Variants in SLC9A9 observed in about 807,000 individuals in gnomAD.
The protein encoded by SLC9A9 is sodium/hydrogen exchanger 9.
SLC9A9 carries 62 observed loss-of-function variants against 77.8 expected under a neutral mutation model. The ratio of observed to expected loss-of-function variants is 0.80; its 90% confidence interval spans 0.65 to 0.98. The LOEUF (loss-of-function observed/expected upper bound fraction) is 0.98, where lower values mean the gene tolerates loss of function less well. SLC9A9 is among the 50% of genes least tolerant of loss of function. The pLI, the probability that SLC9A9 is intolerant of heterozygous loss-of-function variation, is 0.00. For missense variants in SLC9A9, 775 were observed against 774.9 expected, an observed-to-expected ratio of 1.00 and a Z score of 0.00; for synonymous variants, 320 against 283.5, an observed-to-expected ratio of 1.13 and a Z score of -1.29.
chr3:143,417,649 G>T (rs142250862), intron 12 of SLC9A9, among the ~76,000 whole-genome samples: 2 of 152,082 alleles, frequency 1.3e-5, no homozygotes, highest in East Asian at 3.9e-4. Flanking sequence ...ACAGTGAGAA[G>T]GTGGCTGTCA....
In SLC9A9 at chr3:143,475,653, G is replaced by T. The variant is rs144912469; in HGVS notation, c.1316-8463C>A. 1.9e-3 allele frequency among the ~76,000 whole-genome samples: 293 copies of T among 152,148 alleles called. 1 individual carries two copies. The highest frequency in any genetic ancestry group is 6.9e-3 in the African/African-American group (287 of 41,530). ...TACAAGTACAAAAAATTAGCTGGGC[G>T]TGGTGGTGAATGCCTGTAGTCCCAG... On this transcript the variant is annotated intron_variant, in intron 11 of 15. Transcript: ENST00000316549.
intron 5 of SLC9A9, among the ~76,000 whole-genome samples, chr3:143,677,515 C>T (rs1391841520): frequency 2.0e-5 from 3 of 152,082 alleles, no homozygotes; most frequent in Non-Finnish European, 4.4e-5. Flanking sequence ...GTGAGATAGC[C>T]TCCCAGGAGT....
chr3:143,745,653 G>C (rs1935183747), intron 4 of SLC9A9, among the ~76,000 whole-genome samples: 1 of 152,174 alleles, frequency 6.6e-6, no homozygotes, highest in Non-Finnish European at 1.5e-5. Flanking sequence ...TCATCAAGGT[G>C]CCAACCTTGA....
intron 5 of SLC9A9, among the ~76,000 whole-genome samples, chr3:143,681,969 G>T (rs1451481715): frequency 6.6e-6 from 1 of 152,156 alleles, no homozygotes; most frequent in Non-Finnish European, 1.5e-5. Flanking sequence ...AACGTCCACA[G>T]ATTTCCACAA....
intron 14 of SLC9A9, among the ~76,000 whole-genome samples, chr3:143,363,132 A>T (rs1347065921): frequency 6.6e-6 from 1 of 152,206 alleles, no homozygotes; most frequent in Non-Finnish European, 1.5e-5. Context: ...GACTGTTCAT[A>T]CAATGCCCTC....
chr3:143,383,783 C>T (rs1056277750), intron 12 of SLC9A9, among the ~76,000 whole-genome samples: 1 of 152,204 alleles, frequency 6.6e-6, no homozygotes, highest in Non-Finnish European at 1.5e-5. Context: ...TTTTCTTCAA[C>T]TCTTGTTCCT....
chr3:143,692,337 C>G (rs1338989676), intron 5 of SLC9A9, among the ~76,000 whole-genome samples: 2 of 152,050 alleles, frequency 1.3e-5, no homozygotes, highest in African/African-American at 4.8e-5. Flanking sequence ...AATATTAAAA[C>G]AATGAGTAGA....
At chr3:143,576,897 A>G (rs1421531784) in intron 7 of SLC9A9, among the ~76,000 whole-genome samples, 1 of 152,112 alleles carries the variant, frequency 6.6e-6, no homozygotes, top group Admixed American at 6.5e-5. Flanking sequence ...TGGAGATGCC[A>G]TTTTACAAGG....
At chr3:143,604,923 G>A (rs1156254192) in intron 6 of SLC9A9, among the ~76,000 whole-genome samples, 8 of 152,168 alleles carry the variant, frequency 5.3e-5, no homozygotes. Flanking sequence ...TTCAATGAGG[G>A]CCCCTCCGGT....
intron 12 of SLC9A9, among the ~76,000 whole-genome samples, chr3:143,392,878 T>A (rs1214051717): frequency 6.6e-6 from 1 of 152,104 alleles, no homozygotes; most frequent in African/African-American, 2.4e-5. Flanking sequence ...GGTAAAGGGA[T>A]CAATTCAACA....
chr3:143,406,849 G>C (rs558395541), intron 12 of SLC9A9, among the ~76,000 whole-genome samples: 13 of 152,070 alleles, frequency 8.5e-5, no homozygotes, highest in African/African-American at 3.1e-4. Flanking sequence ...GGTGGCGCAT[G>C]CCTGTAACCC....
chr3:143,493,612 G>T, intron 11 of SLC9A9, 41 bp downstream of exon 11: 1 of 1,555,468 alleles, frequency 6.4e-7, no homozygotes, highest in African/African-American at 1.4e-5. Flanking sequence ...GTAAAATTGT[G>T]AGAAAACCAG....
intron 5 of SLC9A9, among the ~76,000 whole-genome samples, chr3:143,672,070 A>G (rs975704170): frequency 9.2e-5 from 14 of 152,200 alleles, no homozygotes; most frequent in African/African-American, 2.4e-4. Context: ...TGCTGTTTAT[A>G]ATATGGCATA....
intron 14 of SLC9A9, among the ~76,000 whole-genome samples, chr3:143,358,524 C>T (rs2108479962): frequency 1.3e-5 from 2 of 152,288 alleles, no homozygotes; most frequent in South Asian, 4.2e-4. Flanking sequence ...CTGTGTCATT[C>T]ACATTTATGG....
intron 6 of SLC9A9, among the ~76,000 whole-genome samples, chr3:143,610,549 G>A (rs762107614): frequency 3.9e-5 from 6 of 152,080 alleles, no homozygotes; most frequent in African/African-American, 7.2e-5. Flanking sequence ...AGCCATTATC[G>A]CAAACCCCAC....
At position 143,306,060 on chromosome 3, in the gene SLC9A9, TAAAA is replaced by T. The variant is rs561374919; in HGVS notation, c.1605-37084_1605-37081del. Among the ~76,000 whole-genome samples, 17 of 149,114 alleles carry T rather than the reference TAAAA, an allele frequency of 1.1e-4. No individual in the cohort carries two copies. In the East Asian group the frequency reaches 3.1e-3, roughly 27 times the overall value. On this transcript the variant is annotated intron_variant, in intron 14 of 15. Transcript: ENST00000316549. ...AAAAATCATAAAAATGGAATTTCTT[TAAAA>T]AAAAAACCCTCTAAAATGTGAGACT...
chr3:143,573,100 C>T (rs565592210), intron 8 of SLC9A9, among the ~76,000 whole-genome samples: 1 of 152,132 alleles, frequency 6.6e-6, no homozygotes, highest in South Asian at 2.1e-4. Context: ...ATCTTTCTAT[C>T]GATTAATGAA....
chr3:143,574,073 G>A lies in SLC9A9; in HGVS notation c.1000+15C>T, dbSNP rs375921511. On this transcript the variant is annotated intron_variant, in intron 8 of 15. Coordinates refer to ENST00000316549, the MANE Select transcript of SLC9A9 (RefSeq NM_173653.4). The stretch of plus-strand genomic sequence containing the variant: ...ATTCACACATCCAGTTGGCTGTGCA[G>A]CATGAAGCACTGACCTGTTAGGCCG... 1 of 1,608,930 alleles carries A rather than the reference G, an allele frequency of 6.2e-7. No individual in the cohort carries two copies. Among genetic ancestry groups the A allele is most frequent in the African/African-American group, 1.3e-5 (1 of 74,920 alleles).
intron 8 of SLC9A9, among the ~76,000 whole-genome samples, chr3:143,562,629 A>G (rs2037106442): frequency 6.6e-6 from 1 of 151,474 alleles, no homozygotes; most frequent in Non-Finnish European, 1.5e-5. Context: ...GTATACATAA[A>G]ATTAGAAATA....
Sources: gnomAD v4.1 joint callset for allele counts (sites outside exome capture counted in the v4.1 genomes callset) on GRCh38, gnomAD v4.1.1 for gene constraint, MANE v1.5 for transcripts, NCBI Gene and HGNC (gene_info 2026-07-23, HGNC 2026-07-21) for gene names.